Variants in PCDHAC2 observed in about 807,000 individuals in gnomAD.
PCDHAC2 encodes the protein protocadherin alpha-C2.
A neutral mutation model predicts 63.3 loss-of-function variants in PCDHAC2; 24 were observed. That is an observed-to-expected ratio of 0.38 (90% CI 0.27 to 0.53). PCDHAC2 has a LOEUF of 0.53. Ranked by LOEUF, PCDHAC2 falls within the 20% of genes least tolerant of loss-of-function variation. The pLI, the probability that PCDHAC2 is intolerant of heterozygous loss-of-function variation, is 0.81. For synonymous variants in PCDHAC2, 569 were observed against 529.4 expected (o/e 1.07, Z -1.03); for missense variants, 1,181 against 1,275.2 (o/e 0.93, Z 1.12).
At position 141,010,228 on chromosome 5, in the gene PCDHAC2, C is replaced by T. The variant is rs1290626143; in HGVS notation, c.*291C>T. The stretch of plus-strand genomic sequence containing the variant: ...CCGCAAAGGAGAGGCTTCCCAGCCC[C>T]GCCAGTGAGAGGTTGGACTCTCTGC... On this transcript the variant is annotated 3_prime_UTR_variant, in exon 4 of 4. Coordinates refer to ENST00000289269, the MANE Select transcript of PCDHAC2 (RefSeq NM_018899.6). 35 of 1,551,916 alleles carry T rather than the reference C, an allele frequency of 2.3e-5. No homozygotes were observed. The highest frequency in any genetic ancestry group is 2.8e-5 in the Non-Finnish European group (32 of 1,147,054).
chr5:140,973,674 T>A (rs782774613), intron 1 of PCDHAC2, among the ~76,000 whole-genome samples: 10 of 152,264 alleles, frequency 6.6e-5, no homozygotes, highest in Non-Finnish European at 1.3e-4. Flanking sequence ...GTAGCTTGAA[T>A]GTCATTGGCC....
At chr5:140,973,768 A>G (rs1408539146) in intron 1 of PCDHAC2, among the ~76,000 whole-genome samples, 3 of 152,258 alleles carry the variant, frequency 2.0e-5, no homozygotes, top group African/African-American at 7.2e-5. Flanking sequence ...ACAGCCTGGC[A>G]TATTATAGGT....
At chr5:140,994,288 C>G (rs2097610720) in intron 3 of PCDHAC2, among the ~76,000 whole-genome samples, 4 of 152,150 alleles carry the variant, frequency 2.6e-5, no homozygotes, top group Admixed American at 6.5e-5. Flanking sequence ...TGAGACAGTC[C>G]CCAGATTGTT....
chr5:140,967,206 G>A lies in PCDHAC2; in HGVS notation c.440G>A (p.Arg147His). The stretch of plus-strand genomic sequence containing the variant: ...TTGGACATCAACGACAACTCACCGC[G>A]TTTCCCGCGGCCCAACTACCAGCTT... ...EILDINDNSPRFPRPNYQLQV... is the reference protein window; with the variant it reads ...EILDINDNSPHFPRPNYQLQV... Residue 147 changes from arginine (R) to histidine (H), a missense_variant, in exon 1 of 4, where the codon CGT becomes CAT. Transcript: ENST00000289269. The A allele has an allele frequency of 1.2e-6, 2 of 1,613,644 alleles. No homozygotes were observed. Among genetic ancestry groups the A allele is most frequent in the South Asian group, 2.2e-5 (2 of 91,082 alleles).
chr5:140,968,569 C>G lies in PCDHAC2; in HGVS notation c.1803C>G (p.Gly601=), dbSNP rs1554230875. The change falls in exon 1 of 4, where the codon GGC becomes GGG. Residue 601 remains glycine (G), a synonymous_variant. Coordinates refer to ENST00000289269, the MANE Select transcript of PCDHAC2 (RefSeq NM_018899.6). ...TGGTGCCTCGAACTGCCCCTGCTGG[C>G]TACCTGGTCACCAAAGTCATAGCTA... The part of the protein sequence containing the change: ...FEMVPRTAPA[G]YLVTKVIAMD... 1.1e-5 allele frequency: 18 copies of G among 1,614,086 alleles called. No homozygotes were observed. The highest frequency in any genetic ancestry group is 1.5e-5 in the Non-Finnish European group (18 of 1,180,050).
At chr5:140,990,134 CAA>C (rs2097375582) in intron 3 of PCDHAC2, among the ~76,000 whole-genome samples, 2 of 151,958 alleles carry the variant, frequency 1.3e-5, no homozygotes, top group Non-Finnish European at 2.9e-5. Flanking sequence ...AAGTCAGACT[CAA>C]GAGGCATAAT....
chr5:141,001,987 A>C (rs547998020), intron 3 of PCDHAC2, among the ~76,000 whole-genome samples: 3 of 152,302 alleles, frequency 2.0e-5, no homozygotes, highest in African/African-American at 7.2e-5. Context: ...AAAGCCTGGA[A>C]GTTCACTTGC....
At position 140,969,064 on chromosome 5, in the gene PCDHAC2, C is replaced by T. The variant is rs2096292525; in HGVS notation, c.2298C>T (p.Ala766=). Residue 766 remains alanine (A), a synonymous_variant, in exon 1 of 4, where the codon GCC becomes GCT. Coordinates refer to ENST00000289269, the MANE Select transcript of PCDHAC2 (RefSeq NM_018899.6). ...AACAAGCCAACAACAATATTGATGC[C>T]AGGATACCGCATGGCCTCAAAGTGC... ...LYKQANNNID[A]RIPHGLKVQP... is the part of the protein sequence containing the mutation. 1 of 1,614,136 alleles carries T rather than the reference C, an allele frequency of 6.2e-7. No individual in the cohort carries two copies. The highest frequency in any genetic ancestry group is 8.5e-7 in the Non-Finnish European group (1 of 1,180,020).
At position 140,988,717 on chromosome 5, in the gene PCDHAC2, T is replaced by C. The variant is rs79402139; in HGVS notation, c.2713+6154T>C. Among the ~76,000 whole-genome samples, 1,208 of 152,334 alleles carry C rather than the reference T, an allele frequency of 7.9e-3. 20 individuals carry two copies. Among genetic ancestry groups the C allele is most frequent in the African/African-American group, 0.027 (1,139 of 41,566 alleles). On this transcript the variant is annotated intron_variant, in intron 3 of 3. Transcript: ENST00000289269. ...CTCTGTATTTTCTTGGACCTCTCATTTGCCCCATAGTAATTATTCTAGGAT... is the reference window on the plus strand; with the variant it reads ...CTCTGTATTTTCTTGGACCTCTCATCTGCCCCATAGTAATTATTCTAGGAT...
chr5:140,992,971 T>C (rs1186217726), intron 3 of PCDHAC2, among the ~76,000 whole-genome samples: 17 of 152,166 alleles, frequency 1.1e-4, no homozygotes, highest in Admixed American at 1.1e-3. Flanking sequence ...CTGCTGACAA[T>C]GATTAGGCCA....
At position 140,968,752 on chromosome 5, in the gene PCDHAC2, C is replaced by T; in HGVS notation, c.1986C>T (p.Val662=). Residue 662 remains valine, a synonymous_variant, in exon 1 of 4, where the codon GTC becomes GTT. Transcript: ENST00000289269. The part of the protein sequence containing the change: ...SGSTFNLTVV[V]RDNGEPSLSA... ...GCACTTTCAACCTGACCGTGGTGGT[C>T]CGAGATAATGGAGAGCCATCACTAT... 6.2e-7 allele frequency: 1 copy of T among 1,614,094 alleles called. No individual in the cohort carries two copies. The highest frequency in any genetic ancestry group is 8.5e-7 in the Non-Finnish European group (1 of 1,180,038).
intron 2 of PCDHAC2, among the ~76,000 whole-genome samples, chr5:140,981,831 G>A (rs2096952818): frequency 6.6e-6 from 1 of 152,006 alleles, no homozygotes; most frequent in African/African-American, 2.4e-5. Flanking sequence ...TGCCTCTAAA[G>A]GTCTCCCAGT....
chr5:141,002,841 G>T (rs2098098318), intron 3 of PCDHAC2, among the ~76,000 whole-genome samples: 1 of 152,196 alleles, frequency 6.6e-6, no homozygotes, highest in African/African-American at 2.4e-5. Flanking sequence ...CCAGGACTAT[G>T]CACTAGTGAG....
At chr5:140,997,792 T>C (rs1279010273) in intron 3 of PCDHAC2, among the ~76,000 whole-genome samples, 1 of 152,160 alleles carries the variant, frequency 6.6e-6, no homozygotes, top group African/African-American at 2.4e-5. Context: ...TATATTATAA[T>C]TTATCCAATT....
chr5:140,967,873 C>T lies in PCDHAC2; in HGVS notation c.1107C>T (p.Asp369=), dbSNP rs1554230047. The change falls in exon 1 of 4, where the codon GAC becomes GAT. Residue 369 remains aspartate (D), a synonymous_variant. Transcript: ENST00000289269. ...ATGCCCCAGAGGTGGTGCTCACGGA[C>T]CTGTATAGCCCAGTGCCTGAGAATG... ...NDNAPEVVLT[D]LYSPVPENAT... is the part of the protein sequence containing the mutation. 1.9e-6 allele frequency: 3 copies of T among 1,614,152 alleles called. No homozygotes were observed. In the Admixed American group the frequency reaches 5.0e-5, roughly 27 times the overall value.
rs114930676 is a variant in PCDHAC2 at position 140,999,076 on chromosome 5, C to G, written c.2714-10551C>G. ...CATGCCTAAGTAGTCTCCTTCACTT[C>G]CTCCTTCAGAGGGCTATGGAGAGTA... On this transcript the variant is annotated intron_variant, in intron 3 of 3. Transcript: ENST00000289269. Among the ~76,000 whole-genome samples the G allele has an allele frequency of 3.3e-3, 503 of 152,332 alleles. 4 individuals are homozygous for G. The highest frequency in any genetic ancestry group is 0.011 in the African/African-American group (469 of 41,568).
At chr5:141,009,271 A>G (rs1420991909) in intron 3 of PCDHAC2, among the ~76,000 whole-genome samples, 15 of 152,156 alleles carry the variant, frequency 9.9e-5, no homozygotes, top group Admixed American at 6.5e-4. Context: ...CCTGGGCAAC[A>G]TAGTGAGATC....
Position 140,995,490 on chromosome 5 carries a change from A to C in PCDHAC2, c.2713+12927A>C, listed in dbSNP as rs181247682. Among the ~76,000 whole-genome samples the C allele has an allele frequency of 2.7e-3, 416 of 152,304 alleles. 1 individual carries two copies. The highest frequency in any genetic ancestry group is 4.2e-3 in the Non-Finnish European group (283 of 68,028). ...ATTTTTCATTTAATATTTTCAGACT[A>C]AGGTTGACTGTGGGTAACTGAAGCC... is the stretch of plus-strand genomic sequence containing the variant. On this transcript the variant is annotated intron_variant, in intron 3 of 3. Transcript: ENST00000289269.
At chr5:140,972,624 G>A (rs2096543924) in intron 1 of PCDHAC2, among the ~76,000 whole-genome samples, 1 of 150,616 alleles carries the variant, frequency 6.6e-6, no homozygotes, top group Non-Finnish European at 1.5e-5. Flanking sequence ...GAATGTTGTT[G>A]GCACTCCCTT....
Sources: allele counts gnomAD v4.1 joint callset (sites outside exome capture counted in the v4.1 genomes callset), GRCh38; gene constraint gnomAD v4.1.1; transcripts MANE v1.5; gene names NCBI Gene and HGNC (gene_info 2026-07-23, HGNC 2026-07-21).